The following GRIK2 variants were observed in gnomAD, a reference collection of about 807,000 sequenced individuals.
GRIK2 encodes the protein glutamate ionotropic receptor kainate type subunit 2, also known as glutamate receptor ionotropic, kainate 2.
In GRIK2, 32 loss-of-function variants were observed where a neutral mutation model predicts 100.3. That is an observed-to-expected ratio of 0.32 (90% CI 0.24 to 0.43). The LOEUF (loss-of-function observed/expected upper bound fraction) is 0.43. Among genes scored for constraint, GRIK2 ranks in the 20% least tolerant of loss-of-function variants. GRIK2 has a pLI of 1.00. For missense variants in GRIK2, 843 were observed against 1,114.9 expected, an observed-to-expected ratio of 0.76 and a Z score of 3.47; for synonymous variants, 417 against 389.4, an observed-to-expected ratio of 1.07 and a Z score of -0.83.
chr6:101,395,249 T>C (rs1774957547), intron 1 of GRIK2, among the ~76,000 whole-genome samples: 1 of 152,206 alleles, frequency 6.6e-6, no homozygotes. Flanking sequence ...TTTAGCTAAA[T>C]TGCTATGCAA....
intron 7 of GRIK2, among the ~76,000 whole-genome samples, chr6:101,762,580 G>A (rs1475542912): frequency 6.6e-6 from 1 of 152,066 alleles, no homozygotes; most frequent in African/African-American, 2.4e-5. Context: ...AATTACTTCT[G>A]AATGACAGTG....
At chr6:101,553,607 T>G (rs1246107735) in intron 2 of GRIK2, among the ~76,000 whole-genome samples, 1 of 152,202 alleles carries the variant, frequency 6.6e-6, no homozygotes, top group African/African-American at 2.4e-5. Context: ...ATTTGGTTAC[T>G]AGATAGAGGC....
chr6:101,643,821 C>T (rs762689729), intron 4 of GRIK2, among the ~76,000 whole-genome samples: 1 of 151,492 alleles, frequency 6.6e-6, no homozygotes, highest in Non-Finnish European at 1.5e-5. Flanking sequence ...GAGTAATGTA[C>T]TCATATTTTT....
chr6:101,860,076 T>G (rs944769380), intron 11 of GRIK2, among the ~76,000 whole-genome samples: 3 of 152,180 alleles, frequency 2.0e-5, no homozygotes, highest in Non-Finnish European at 4.4e-5. Flanking sequence ...TCCCTCTTTC[T>G]TAAGAGGACC....
chr6:102,000,931 G>A (rs1047714343), intron 14 of GRIK2, among the ~76,000 whole-genome samples: 2 of 151,216 alleles, frequency 1.3e-5, no homozygotes, highest in African/African-American at 4.9e-5. Context: ...CTTACTGTTG[G>A]TTTCATTTGT....
chr6:101,493,014 A>G (rs1400401194), intron 2 of GRIK2, among the ~76,000 whole-genome samples: 1 of 151,980 alleles, frequency 6.6e-6, no homozygotes, highest in East Asian at 1.9e-4. Flanking sequence ...TTTTGAGGTT[A>G]AGAGCACAAT....
intron 11 of GRIK2, among the ~76,000 whole-genome samples, chr6:101,884,730 A>G (rs909681220): frequency 1.3e-5 from 2 of 152,162 alleles, no homozygotes; most frequent in African/African-American, 4.8e-5. Context: ...ACTAGAAAAA[A>G]GTTTCAATTA....
At chr6:101,609,835 T>A (rs1213428482) in intron 2 of GRIK2, among the ~76,000 whole-genome samples, 1 of 151,546 alleles carries the variant, frequency 6.6e-6, no homozygotes, top group Non-Finnish European at 1.5e-5. Context: ...AAAAAAGGAA[T>A]GAAAAAGATG....
At chr6:102,017,370 A>G (rs1769167637) in intron 14 of GRIK2, among the ~76,000 whole-genome samples, 1 of 152,156 alleles carries the variant, frequency 6.6e-6, no homozygotes, top group Non-Finnish European at 1.5e-5. Context: ...TGTCCTTATG[A>G]TCCCATCACC....
At chr6:101,801,331 C>G (rs983416023) in intron 8 of GRIK2, among the ~76,000 whole-genome samples, 1 of 152,026 alleles carries the variant, frequency 6.6e-6, no homozygotes, top group African/African-American at 2.4e-5. Context: ...AACCAGTGAA[C>G]ACATGTTTAA....
chr6:101,885,354 A>G (rs980129368), intron 11 of GRIK2, among the ~76,000 whole-genome samples: 2 of 152,156 alleles, frequency 1.3e-5, no homozygotes, highest in African/African-American at 4.8e-5. Flanking sequence ...CAAAGCCAGT[A>G]AAACAACAGA....
intron 2 of GRIK2, among the ~76,000 whole-genome samples, chr6:101,532,679 T>C (rs1450933735): frequency 1.3e-5 from 2 of 151,560 alleles, no homozygotes; most frequent in Non-Finnish European, 3.0e-5. Flanking sequence ...TATGTTATGA[T>C]GGAATACATA....
intron 7 of GRIK2, among the ~76,000 whole-genome samples, chr6:101,766,134 G>A (rs1323280916): frequency 6.6e-6 from 1 of 151,936 alleles, no homozygotes; most frequent in East Asian, 1.9e-4. Flanking sequence ...GATGAACAAA[G>A]TCCAGCATCA....
At chr6:101,914,845 T>C (rs1026781196) in intron 12 of GRIK2, among the ~76,000 whole-genome samples, 2 of 151,620 alleles carry the variant, frequency 1.3e-5, no homozygotes, top group African/African-American at 2.4e-5. Context: ...TGTAAACTGA[T>C]ATATTATTTC....
chr6:101,779,015 T>G (rs907234230), intron 7 of GRIK2, among the ~76,000 whole-genome samples: 5 of 152,096 alleles, frequency 3.3e-5, no homozygotes, highest in African/African-American at 1.2e-4. Flanking sequence ...GGAGATATTT[T>G]AATTATATAT....
At chr6:101,415,917 G>C (rs1350444212) in intron 2 of GRIK2, among the ~76,000 whole-genome samples, 2 of 152,096 alleles carry the variant, frequency 1.3e-5, no homozygotes. Flanking sequence ...AATTAAAATA[G>C]ATAAAATAGA....
intron 2 of GRIK2, among the ~76,000 whole-genome samples, chr6:101,512,621 T>TAAA (rs1774376756): frequency 6.6e-6 from 1 of 152,146 alleles, no homozygotes; most frequent in African/African-American, 2.4e-5. Context: ...TGTCAATAAT[T>TAAA]AAAATATTTC....
intron 14 of GRIK2, among the ~76,000 whole-genome samples, chr6:101,977,594 T>G (rs1368741350): frequency 6.6e-6 from 1 of 151,888 alleles, no homozygotes; most frequent in East Asian, 1.9e-4. Flanking sequence ...CTCACCATAT[T>G]TAGTCATTGG....
At chr6:101,489,269 G>T (rs939516111) in intron 2 of GRIK2, among the ~76,000 whole-genome samples, 3 of 146,068 alleles carry the variant, frequency 2.1e-5, no homozygotes, top group Non-Finnish European at 4.5e-5. Flanking sequence ...TATTTTCCAA[G>T]TGACCATGGC....
Sources: allele counts gnomAD v4.1 joint callset (sites outside exome capture counted in the v4.1 genomes callset), GRCh38; gene constraint gnomAD v4.1.1; transcripts MANE v1.5; gene names NCBI Gene and HGNC (gene_info 2026-07-23, HGNC 2026-07-21).